CTNNA3: variants seen among roughly 807,000 people sequenced by gnomAD.
The protein encoded by CTNNA3 is catenin alpha-3.
Under a neutral mutation model 95.7 loss-of-function variants are expected in CTNNA3, and 76 were observed. That is an observed-to-expected ratio of 0.79 (90% CI 0.66 to 0.96). The LOEUF is 0.96. Among genes scored for constraint, CTNNA3 ranks in the 40% least tolerant of loss-of-function variants. The probability of loss-of-function intolerance (pLI) is 0.00; values close to 1 mark genes in which losing one functional copy is unlikely to be tolerated. For missense variants in CTNNA3, 1,191 were observed against 1,089.8 expected (o/e 1.09, Z -1.31); for synonymous variants, 431 against 374.4 (o/e 1.15, Z -1.74).
intron 11 of CTNNA3, among the ~76,000 whole-genome samples, chr10:66,438,590 T>C (rs2093354159): frequency 6.6e-6 from 1 of 152,124 alleles, no homozygotes; most frequent in Non-Finnish European, 1.5e-5. Flanking sequence ...CAGACTCCTG[T>C]GCTGACAGCG....
intron 7 of CTNNA3, among the ~76,000 whole-genome samples, chr10:67,004,274 A>G (rs1851848084): frequency 6.6e-6 from 1 of 152,194 alleles, no homozygotes; most frequent in East Asian, 1.9e-4. Flanking sequence ...CTCTTTATAA[A>G]ATTTCTTCCT....
intron 7 of CTNNA3, among the ~76,000 whole-genome samples, chr10:67,163,933 A>C (rs1861654625): frequency 6.6e-6 from 1 of 152,034 alleles, no homozygotes; most frequent in Non-Finnish European, 1.5e-5. Flanking sequence ...AACGTGTACG[A>C]CTTCTATACT....
intron 5 of CTNNA3, among the ~76,000 whole-genome samples, chr10:67,220,122 T>C (rs1172993341): frequency 1.3e-5 from 2 of 152,310 alleles, no homozygotes; most frequent in Non-Finnish European, 2.9e-5. Flanking sequence ...TCCATTACTA[T>C]TCAGTCAAGT....
intron 17 of CTNNA3, among the ~76,000 whole-genome samples, chr10:65,961,085 C>T (rs539722401): frequency 6.6e-5 from 10 of 152,142 alleles, no homozygotes; most frequent in South Asian, 6.2e-4. Flanking sequence ...CTCTTCTGGT[C>T]GCTTTTTTTT....
At chr10:67,741,775 A>T (rs1353273509) in intron 1 of CTNNA3, among the ~76,000 whole-genome samples, 3 of 151,320 alleles carry the variant, frequency 2.0e-5, no homozygotes, top group African/African-American at 7.3e-5. Context: ...TCACGTGCAC[A>T]GACACACATA....
At chr10:66,057,469 C>A (rs531179136) in intron 15 of CTNNA3, among the ~76,000 whole-genome samples, 7 of 152,266 alleles carry the variant, frequency 4.6e-5, no homozygotes, top group African/African-American at 1.7e-4. Context: ...CTTATTTAAG[C>A]TGAATGTTTG....
intron 5 of CTNNA3, among the ~76,000 whole-genome samples, chr10:67,407,347 GGC>G (rs1845174619): frequency 2.6e-5 from 4 of 152,094 alleles, no homozygotes; most frequent in Non-Finnish European, 5.9e-5. Flanking sequence ...ATGCAGGAAA[GGC>G]CTTTGGTAAA....
At chr10:66,713,639 C>A (rs1241450473) in intron 9 of CTNNA3, among the ~76,000 whole-genome samples, 1 of 152,060 alleles carries the variant, frequency 6.6e-6, no homozygotes, top group East Asian at 1.9e-4. Flanking sequence ...GAGTCTCATT[C>A]TTGCTGTTAT....
intron 7 of CTNNA3, among the ~76,000 whole-genome samples, chr10:67,100,024 AAAG>A (rs899875827): frequency 3.3e-5 from 5 of 151,782 alleles, no homozygotes; most frequent in African/African-American, 9.7e-5. Context: ...AAAGATAGAA[AAAG>A]AAGAATTAAT....
At chr10:66,269,188 T>C (rs756820245) in intron 13 of CTNNA3, among the ~76,000 whole-genome samples, 6 of 152,178 alleles carry the variant, frequency 3.9e-5, no homozygotes, top group Non-Finnish European at 7.3e-5. Flanking sequence ...CAAATGCAAA[T>C]CTGAAGTTAA....
At chr10:67,170,037 C>A (rs1861947509) in intron 7 of CTNNA3, among the ~76,000 whole-genome samples, 1 of 152,146 alleles carries the variant, frequency 6.6e-6, no homozygotes, top group South Asian at 2.1e-4. Flanking sequence ...TAACACTGAT[C>A]ATTAGAGAAA....
At chr10:66,251,160 GAA>G (rs2090536397) in intron 13 of CTNNA3, among the ~76,000 whole-genome samples, 1 of 152,178 alleles carries the variant, frequency 6.6e-6, no homozygotes. Flanking sequence ...AGGCTCTCCA[GAA>G]AGAGTATTGT....
intron 15 of CTNNA3, among the ~76,000 whole-genome samples, chr10:66,067,789 G>A (rs113733851): frequency 2.6e-5 from 4 of 152,130 alleles, no homozygotes; most frequent in African/African-American, 9.6e-5. Flanking sequence ...GGTGTTGTGC[G>A]CCTGTAGTCC....
intron 3 of CTNNA3, among the ~76,000 whole-genome samples, chr10:67,553,717 A>C (rs1247235239): frequency 6.6e-6 from 1 of 152,076 alleles, no homozygotes; most frequent in African/African-American, 2.4e-5. Context: ...ATAGAAATGA[A>C]TTATATTTTG....
chr10:67,412,849 C>T (rs978181997), intron 5 of CTNNA3, among the ~76,000 whole-genome samples: 6 of 152,050 alleles, frequency 3.9e-5, no homozygotes, highest in African/African-American at 1.4e-4. Context: ...ACAAGAGGTC[C>T]TTAAGGGAGT....
At chr10:67,623,245 A>G (rs992143362) in intron 2 of CTNNA3, among the ~76,000 whole-genome samples, 1 of 152,198 alleles carries the variant, frequency 6.6e-6, no homozygotes, top group African/African-American at 2.4e-5. Flanking sequence ...TCTGAAAGAA[A>G]CAAAGGAAAT....
intron 13 of CTNNA3, among the ~76,000 whole-genome samples, chr10:66,156,866 G>A (rs1413271558): frequency 6.6e-6 from 1 of 151,724 alleles, no homozygotes; most frequent in Non-Finnish European, 1.5e-5. Flanking sequence ...CTGAGGGAGA[G>A]GGATCATGTA....
chr10:66,333,011 G>C (rs1332324149), intron 12 of CTNNA3, among the ~76,000 whole-genome samples: 1 of 152,014 alleles, frequency 6.6e-6, no homozygotes, highest in Non-Finnish European at 1.5e-5. Flanking sequence ...TAGTTTATTT[G>C]TGTAGAGGTG....
chr10:66,692,970 C>A (rs890329769), intron 9 of CTNNA3, among the ~76,000 whole-genome samples: 1 of 152,092 alleles, frequency 6.6e-6, no homozygotes. Flanking sequence ...AAGCACTAAA[C>A]GTGGAAAGCA....
Sources: gnomAD v4.1 joint callset for allele counts (sites outside exome capture counted in the v4.1 genomes callset) on GRCh38, gnomAD v4.1.1 for gene constraint, MANE v1.5 for transcripts, NCBI Gene and HGNC (gene_info 2026-07-23, HGNC 2026-07-21) for gene names.